The following PPP2R2B variants were observed in gnomAD, a reference collection of about 807,000 sequenced individuals.
PPP2R2B encodes serine/threonine-protein phosphatase 2A 55 kDa regulatory subunit B beta isoform.
A neutral mutation model predicts 46.0 loss-of-function variants in PPP2R2B; 5 were observed. The observed-to-expected ratio is 0.11, with a 90% CI of 0.06 to 0.23. PPP2R2B has a LOEUF of 0.23. Ranked by LOEUF, PPP2R2B falls within the 10% of genes least tolerant of loss-of-function variation. The probability of loss-of-function intolerance (pLI) is 1.00; values close to 1 mark genes in which losing one functional copy is unlikely to be tolerated. For synonymous variants in PPP2R2B, 215 were observed against 206.7 expected (o/e 1.04, Z -0.34); for missense variants, 367 against 575.0 (o/e 0.64, Z 3.70).
intron 1 of PPP2R2B, among the ~76,000 whole-genome samples, chr5:147,008,302 G>GGGAT (rs1754546275): frequency 1.3e-5 from 2 of 152,114 alleles, no homozygotes; most frequent in South Asian, 4.2e-4. Flanking sequence ...GTGAGATGAA[G>GGGAT]GGATAGGGGG....
intron 1 of PPP2R2B, among the ~76,000 whole-genome samples, chr5:146,926,092 TTA>T (rs1425740760): frequency 6.6e-6 from 1 of 152,186 alleles, no homozygotes; most frequent in African/African-American, 2.4e-5. Context: ...TTGGAAATAT[TTA>T]TAATAGCTGC....
At chr5:146,761,991 C>T (rs1346355435) in intron 2 of PPP2R2B, among the ~76,000 whole-genome samples, 1 of 152,158 alleles carries the variant, frequency 6.6e-6, no homozygotes, top group Non-Finnish European at 1.5e-5. Context: ...ACAAGCACTA[C>T]ATTTCCAATC....
At chr5:147,028,226 C>T (rs1327649158) in intron 1 of PPP2R2B, among the ~76,000 whole-genome samples, 5 of 152,264 alleles carry the variant, frequency 3.3e-5, no homozygotes, top group South Asian at 4.1e-4. Flanking sequence ...TCTCATTTTT[C>T]GGATTCAGTA....
intron 6 of PPP2R2B, among the ~76,000 whole-genome samples, chr5:146,640,693 C>T (rs114000346): frequency 0.021 from 3,139 of 152,304 alleles, 52 homozygotes; most frequent in Admixed American, 0.063. Flanking sequence ...AAGGGATCTT[C>T]GCTGTGTGGG....
At chr5:146,990,050 A>G (rs1316850194) in intron 1 of PPP2R2B, among the ~76,000 whole-genome samples, 1 of 150,580 alleles carries the variant, frequency 6.6e-6, no homozygotes, top group East Asian at 1.9e-4. Flanking sequence ...CTCTACAATT[A>G]AAACCATAAA....
intron 7 of PPP2R2B, among the ~76,000 whole-genome samples, chr5:146,615,438 C>A (rs1180518565): frequency 9.3e-6 from 1 of 107,732 alleles, no homozygotes; most frequent in Non-Finnish European, 1.8e-5. Context: ...ACCAGCATGG[C>A]ACATGTATAC....
intron 2 of PPP2R2B, among the ~76,000 whole-genome samples, chr5:146,842,194 G>A (rs1346884705): frequency 6.6e-6 from 1 of 152,126 alleles, no homozygotes; most frequent in Non-Finnish European, 1.5e-5. Flanking sequence ...CATCTGAAGT[G>A]CTTGATCAGC....
intron 1 of PPP2R2B, among the ~76,000 whole-genome samples, chr5:146,931,101 C>T (rs1763954869): frequency 6.6e-6 from 1 of 151,986 alleles, no homozygotes; most frequent in Non-Finnish European, 1.5e-5. Context: ...GTTCTATACT[C>T]TATACTTCTA....
chr5:146,799,020 G>A (rs1459534348), intron 2 of PPP2R2B, among the ~76,000 whole-genome samples: 1 of 152,124 alleles, frequency 6.6e-6, no homozygotes, highest in Non-Finnish European at 1.5e-5. Context: ...AATACTCCGA[G>A]GTGACTTTTT....
chr5:146,967,600 C>T (rs1461753921), intron 1 of PPP2R2B, among the ~76,000 whole-genome samples: 2 of 152,110 alleles, frequency 1.3e-5, no homozygotes, highest in Non-Finnish European at 2.9e-5. Context: ...GGGACTATAT[C>T]CAGGACATTT....
intron 2 of PPP2R2B, among the ~76,000 whole-genome samples, chr5:146,726,516 A>T (rs901372912): frequency 6.6e-6 from 1 of 152,224 alleles, no homozygotes; most frequent in Non-Finnish European, 1.5e-5. Flanking sequence ...TCTAAGCACC[A>T]CATATGCATG....
chr5:146,590,606 G>A (rs1471915968), intron 9 of PPP2R2B, among the ~76,000 whole-genome samples: 7 of 152,032 alleles, frequency 4.6e-5, no homozygotes, highest in African/African-American at 1.4e-4. Context: ...GAGGTTTGTC[G>A]AAGTAGACAC....
intron 1 of PPP2R2B, among the ~76,000 whole-genome samples, chr5:146,978,727 A>G (rs572209486): frequency 6.6e-6 from 1 of 152,182 alleles, no homozygotes; most frequent in Non-Finnish European, 1.5e-5. Context: ...CTATTGGTCT[A>G]TATATCTGTT....
At chr5:146,802,758 T>C (rs1410429298) in intron 2 of PPP2R2B, among the ~76,000 whole-genome samples, 1 of 152,144 alleles carries the variant, frequency 6.6e-6, no homozygotes, top group Non-Finnish European at 1.5e-5. Flanking sequence ...GGGATAAGTA[T>C]ATAGTGAGGT....
At chr5:146,955,312 T>C (rs969606645) in intron 1 of PPP2R2B, among the ~76,000 whole-genome samples, 7 of 152,214 alleles carry the variant, frequency 4.6e-5, no homozygotes, top group African/African-American at 7.2e-5. Context: ...TGTTAAATTA[T>C]AAATATTGAT....
chr5:146,690,580 T>A (rs916682319), intron 5 of PPP2R2B, among the ~76,000 whole-genome samples: 5 of 151,996 alleles, frequency 3.3e-5, no homozygotes, highest in Non-Finnish European at 5.9e-5. Context: ...AGAGGAAGGG[T>A]TTTCCATCCT....
chr5:147,049,683 G>C (rs1294543216), intron 1 of PPP2R2B, among the ~76,000 whole-genome samples: 1 of 152,078 alleles, frequency 6.6e-6, no homozygotes, highest in Admixed American at 6.6e-5. Context: ...AGTGGGTTTT[G>C]AGGCCAAGAC....
intron 5 of PPP2R2B, among the ~76,000 whole-genome samples, chr5:146,683,043 G>T (rs1778277683): frequency 2.6e-5 from 4 of 152,152 alleles, no homozygotes; most frequent in Admixed American, 2.6e-4. Context: ...CAAGAATATG[G>T]CCGAGAAATA....
At chr5:146,591,026 G>A (rs993346272) in intron 9 of PPP2R2B, among the ~76,000 whole-genome samples, 2 of 152,126 alleles carry the variant, frequency 1.3e-5, no homozygotes, top group Non-Finnish European at 2.9e-5. Context: ...GTCTTCCAGA[G>A]GCAAGGTACT....
Sources: gnomAD v4.1 joint callset for allele counts (sites outside exome capture counted in the v4.1 genomes callset) on GRCh38, gnomAD v4.1.1 for gene constraint, MANE v1.5 for transcripts, NCBI Gene and HGNC (gene_info 2026-07-23, HGNC 2026-07-21) for gene names.